The following EPHA3 variants were observed in gnomAD, a reference collection of about 807,000 sequenced individuals.
The protein encoded by EPHA3 is EPH receptor A3.
In EPHA3, 42 loss-of-function variants were observed where a neutral mutation model predicts 107.1. The ratio of observed to expected loss-of-function variants is 0.39; its 90% CI spans 0.31 to 0.51. The LOEUF is 0.51. Ranked by LOEUF, EPHA3 falls within the 20% of genes least tolerant of loss-of-function variation. The pLI, the probability that EPHA3 is intolerant of heterozygous loss-of-function variation, is 0.78. For missense variants in EPHA3, 1,183 were observed against 1,211.2 expected (o/e 0.98, Z 0.35); for synonymous variants, 461 against 424.8 (o/e 1.09, Z -1.05).
At chr3:89,192,027 T>C (rs1192532723) in intron 2 of EPHA3, among the ~76,000 whole-genome samples, 1 of 152,194 alleles carries the variant, frequency 6.6e-6, no homozygotes, top group Non-Finnish European at 1.5e-5. Flanking sequence ...GGACCTTCCT[T>C]AATCTTTTGG....
At chr3:89,424,038 A>G (rs146989546) in intron 11 of EPHA3, among the ~76,000 whole-genome samples, 61 of 151,604 alleles carry the variant, frequency 4.0e-4, no homozygotes, top group Non-Finnish European at 7.1e-4. Flanking sequence ...GAAAAAAAGT[A>G]TCACCTCTAA....
At chr3:89,172,879 T>G (rs1268620622) in intron 2 of EPHA3, among the ~76,000 whole-genome samples, 3 of 152,206 alleles carry the variant, frequency 2.0e-5, no homozygotes, top group Non-Finnish European at 2.9e-5. Context: ...AACAACATTT[T>G]GATGTATTTT....
chr3:89,316,838 G>A (rs934204634), intron 3 of EPHA3, among the ~76,000 whole-genome samples: 1 of 151,488 alleles, frequency 6.6e-6, no homozygotes, highest in Non-Finnish European at 1.5e-5. Context: ...CTTTCTTTTA[G>A]TAAGTACCTC....
intron 3 of EPHA3, among the ~76,000 whole-genome samples, chr3:89,248,698 T>G (rs1302827693): frequency 3.3e-5 from 5 of 152,170 alleles, no homozygotes; most frequent in Non-Finnish European, 7.3e-5. Context: ...GCTTCATCAT[T>G]GGTGACTGGC....
At chr3:89,190,311 C>A (rs1282079529) in intron 2 of EPHA3, among the ~76,000 whole-genome samples, 14 of 152,142 alleles carry the variant, frequency 9.2e-5, no homozygotes, top group Non-Finnish European at 1.5e-5. Context: ...TTTCCTAACT[C>A]TCTTCAAACT....
At chr3:89,358,847 C>A (rs1287178228) in intron 5 of EPHA3, among the ~76,000 whole-genome samples, 2 of 151,174 alleles carry the variant, frequency 1.3e-5, no homozygotes, top group African/African-American at 4.8e-5. Context: ...AAGTTATGTA[C>A]AAATTCGATG....
chr3:89,478,168 GT>G (rs1218056720), intron 16 of EPHA3, among the ~76,000 whole-genome samples: 2 of 151,976 alleles, frequency 1.3e-5, no homozygotes, highest in African/African-American at 4.8e-5. Context: ...AATTCCTTAT[GT>G]TTTTATAATC....
chr3:89,357,963 A>T (rs1383486045), intron 5 of EPHA3, among the ~76,000 whole-genome samples: 1 of 151,288 alleles, frequency 6.6e-6, no homozygotes, highest in Non-Finnish European at 1.5e-5. Context: ...TTAAAATCCT[A>T]ATATAAAATG....
Position 89,352,110 on chromosome 3 carries a change from A to T in EPHA3, c.1306+10020A>T, listed in dbSNP as rs1443373632. ...TAGATTTTCGATAGAAGGTGCACTA[A>T]TTTATGTAAAGGAAAAGATCTTTGA... On this transcript the variant is annotated intron_variant, in intron 5 of 16. Coordinates refer to ENST00000336596, the MANE Select transcript of EPHA3 (RefSeq NM_005233.6). Among the ~76,000 whole-genome samples, 5 of 151,196 alleles carry T rather than the reference A, an allele frequency of 3.3e-5. 1 individual carries two copies. The highest frequency in any genetic ancestry group is 7.4e-5 in the Non-Finnish European group (5 of 67,610).
intron 2 of EPHA3, among the ~76,000 whole-genome samples, chr3:89,203,126 C>G (rs936503652): frequency 2.6e-5 from 4 of 152,026 alleles, no homozygotes; most frequent in African/African-American, 9.7e-5. Context: ...GATATTGGAG[C>G]ATCCTATCAG....
chr3:89,369,898 AT>A (rs1394372884), intron 5 of EPHA3, among the ~76,000 whole-genome samples: 5 of 150,850 alleles, frequency 3.3e-5, no homozygotes, highest in African/African-American at 7.3e-5. Flanking sequence ...CAAAAAACAC[AT>A]GAAAAAATGC....
intron 5 of EPHA3, among the ~76,000 whole-genome samples, chr3:89,359,832 T>TATATAC (rs747927767): frequency 1.6e-5 from 2 of 128,122 alleles, no homozygotes; most frequent in Non-Finnish European, 3.3e-5. Flanking sequence ...CATATATATA[T>TATATAC]ACATATATAT....
At chr3:89,478,150 C>T (rs1287722512) in intron 16 of EPHA3, among the ~76,000 whole-genome samples, 1 of 152,002 alleles carries the variant, frequency 6.6e-6, no homozygotes, top group Non-Finnish European at 1.5e-5. Context: ...TCTTTTTTAC[C>T]TAAATGAAAT....
At chr3:89,291,165 T>A (rs1255969157) in intron 3 of EPHA3, among the ~76,000 whole-genome samples, 1 of 152,182 alleles carries the variant, frequency 6.6e-6, no homozygotes, top group Non-Finnish European at 1.5e-5. Context: ...CTTGAGTAAG[T>A]CACTAAATCT....
chr3:89,287,065 C>T (rs371609337), intron 3 of EPHA3, among the ~76,000 whole-genome samples: 3 of 152,156 alleles, frequency 2.0e-5, no homozygotes, highest in South Asian at 4.1e-4. Context: ...TCCTCCAAAA[C>T]ACTTTTCAAA....
chr3:89,369,928 A>G (rs1323038556), intron 5 of EPHA3, among the ~76,000 whole-genome samples: 1 of 150,906 alleles, frequency 6.6e-6, no homozygotes, highest in Non-Finnish European at 1.5e-5. Flanking sequence ...ACTGGCCATC[A>G]GAGAAATGCA....
At chr3:89,235,142 G>T (rs765269513) in intron 3 of EPHA3, among the ~76,000 whole-genome samples, 3 of 149,456 alleles carry the variant, frequency 2.0e-5, no homozygotes, top group Non-Finnish European at 4.4e-5. Context: ...GTCTGGTCTC[G>T]AACTCCTGAC....
intron 15 of EPHA3, among the ~76,000 whole-genome samples, chr3:89,469,349 T>C (rs73141113): frequency 0.19 from 29,013 of 152,034 alleles, 3,363 homozygotes; most frequent in Non-Finnish European, 0.25. Context: ...AATTTTTTTT[T>C]CCTGAAACTC....
At chr3:89,437,825 C>A (rs1426524618) in intron 13 of EPHA3, among the ~76,000 whole-genome samples, 1 of 152,042 alleles carries the variant, frequency 6.6e-6, no homozygotes. Flanking sequence ...CTTCCTATGT[C>A]CTTAAGTTCA....
Sources: gnomAD v4.1 joint callset for allele counts (sites outside exome capture counted in the v4.1 genomes callset) on GRCh38, gnomAD v4.1.1 for gene constraint, MANE v1.5 for transcripts, NCBI Gene and HGNC (gene_info 2026-07-23, HGNC 2026-07-21) for gene names.